Variants in PTPRT observed in about 807,000 individuals in gnomAD.
The protein encoded by PTPRT is receptor-type tyrosine-protein phosphatase T.
In PTPRT, 56 loss-of-function variants were observed where a neutral mutation model predicts 176.8. The ratio of observed to expected loss-of-function variants is 0.32; its 90% CI spans 0.26 to 0.40. The LOEUF is 0.40. Ranked by LOEUF, PTPRT falls within the 10% of genes least tolerant of loss-of-function variation. PTPRT has a pLI of 1.00. For synonymous variants in PTPRT, 783 were observed against 739.0 expected (o/e 1.06, Z -0.96); for missense variants, 1,540 against 1,908.2 (o/e 0.81, Z 3.60).
intron 1 of PTPRT, among the ~76,000 whole-genome samples, chr20:42,909,215 G>A (rs1358897745): frequency 1.3e-5 from 2 of 152,066 alleles, no homozygotes; most frequent in African/African-American, 4.8e-5. Context: ...ATCTATGTGT[G>A]TATGTATCCT....
chr20:42,981,627 G>T (rs1983278650), intron 1 of PTPRT, among the ~76,000 whole-genome samples: 1 of 152,226 alleles, frequency 6.6e-6, no homozygotes, highest in South Asian at 2.1e-4. Context: ...AGGGCAGCCT[G>T]CTGAACTCCA....
rs141644097 is a variant in PTPRT at position 42,808,528 on chromosome 20, G to T, written c.215-17062C>A. On this transcript the variant is annotated intron_variant, in intron 2 of 30. Transcript: ENST00000373187. ...GAGGGGATGTGGAGGCCCAGGAAGA[G>T]GACCAAAGCAAGTCCTTGATAGTCA... 1.4e-4 allele frequency among the ~76,000 whole-genome samples: 21 copies of T among 152,216 alleles called. No homozygotes were observed. The East Asian group carries it at 3.5e-3, about 25-fold the overall frequency.
In PTPRT at chr20:42,315,715, A is replaced by G; in HGVS notation, c.2139+8T>C. ...GGCAAGGAATGGCCTCCATGTGGCC[A>G]TACTTACTCCATTGGCTTTGCTGAG... On this transcript the variant is annotated splice_region_variant and intron_variant, in intron 12 of 30. Transcript: ENST00000373187. 1.2e-6 allele frequency: 2 copies of G among 1,611,898 alleles called. No homozygotes were observed. Among genetic ancestry groups the G allele is most frequent in the Middle Eastern group, 1.7e-4 (1 of 5,952 alleles).
At chr20:42,367,164 G>T (rs2058526158) in intron 9 of PTPRT, among the ~76,000 whole-genome samples, 1 of 152,204 alleles carries the variant, frequency 6.6e-6, no homozygotes. Context: ...GTGCTGGGCT[G>T]GTTTTAGGCT....
intron 27 of PTPRT, among the ~76,000 whole-genome samples, chr20:42,086,162 C>T (rs1052323524): frequency 6.6e-6 from 1 of 152,242 alleles, no homozygotes; most frequent in East Asian, 1.9e-4. Context: ...TAGTCTTGAA[C>T]TCCTGACCTC....
intron 16 of PTPRT, among the ~76,000 whole-genome samples, chr20:42,189,907 T>G (rs1018020424): frequency 6.6e-6 from 1 of 152,240 alleles, no homozygotes; most frequent in Admixed American, 6.5e-5. Flanking sequence ...AAACTTGTCT[T>G]AATTTAACTC....
downstream of PTPRT, among the ~76,000 whole-genome samples, chr20:42,067,999 T>C (rs1027396188): frequency 1.3e-5 from 2 of 152,204 alleles, no homozygotes; most frequent in Non-Finnish European, 2.9e-5. Context: ...TTGGCTACTC[T>C]TACAGGGTCT....
At chr20:42,357,321 C>T (rs2058371396) in intron 9 of PTPRT, among the ~76,000 whole-genome samples, 3 of 152,112 alleles carry the variant, frequency 2.0e-5, no homozygotes, top group South Asian at 2.1e-4. Context: ...TATTTTCTGG[C>T]CTTTCATAGA....
intron 7 of PTPRT, among the ~76,000 whole-genome samples, chr20:42,517,070 G>C (rs1042741437): frequency 2.6e-5 from 4 of 151,966 alleles, no homozygotes; most frequent in African/African-American, 9.7e-5. Flanking sequence ...ATCAGAGAAA[G>C]TTTCATTTCT....
Position 43,087,345 on chromosome 20 carries a change from C to T in PTPRT, c.88+102301G>A, listed in dbSNP as rs907960356. On this transcript the variant is annotated intron_variant, in intron 1 of 30. Transcript: ENST00000373187. ...CTCACACCCACCAGGTTCTTCGTCACTGTTCACACTGTCCGTCCTTTTTTT... is the reference window on the plus strand; with the variant it reads ...CTCACACCCACCAGGTTCTTCGTCATTGTTCACACTGTCCGTCCTTTTTTT... 1.3e-4 allele frequency among the ~76,000 whole-genome samples: 19 copies of T among 143,598 alleles called. 1 individual carries two copies. Among genetic ancestry groups the T allele is most frequent in the African/African-American group, 4.6e-4 (18 of 38,976 alleles). 94.2% of individuals were successfully genotyped at this position (143,598 alleles called of 152,430 possible). A position where few individuals can be genotyped will look rare whatever the true frequency, so the allele number is the denominator to read the frequency against.
chr20:42,627,415 A>G (rs2074313044), intron 7 of PTPRT, among the ~76,000 whole-genome samples: 1 of 151,974 alleles, frequency 6.6e-6, no homozygotes, highest in South Asian at 2.1e-4. Flanking sequence ...GACTACAGGT[A>G]TATGCTACCA....
chr20:42,609,001 G>A (rs2073929401), intron 7 of PTPRT, among the ~76,000 whole-genome samples: 1 of 152,120 alleles, frequency 6.6e-6, no homozygotes, highest in Non-Finnish European at 1.5e-5. Context: ...GTATAGGATT[G>A]AGTTTGAATA....
rs1214263668 is a variant in PTPRT, at chr20:42,077,882, A to C, written c.*2997T>G. On this transcript the variant is annotated 3_prime_UTR_variant, in exon 31 of 31. Transcript: ENST00000373187. ...AAATTCCTACCATTTAAAATGATAA[A>C]AGCCACTGTCTTTTGTATCTGCCAG... is the stretch of plus-strand genomic sequence containing the variant. The C allele has an allele frequency of 9.8e-6, 2 of 204,802 alleles. No individual in the cohort carries two copies. The highest frequency in any genetic ancestry group is 2.0e-5 in the Non-Finnish European group (2 of 100,382). 12.7% of individuals were successfully genotyped at this position (204,802 alleles called of 1,614,324 possible).
intron 9 of PTPRT, among the ~76,000 whole-genome samples, chr20:42,364,660 T>G (rs1003597390): frequency 6.6e-6 from 1 of 152,204 alleles, no homozygotes; most frequent in Non-Finnish European, 1.5e-5. Context: ...CAGGTGACAC[T>G]GCTGTTTATG....
chr20:42,338,756 A>T (rs1481753986), intron 11 of PTPRT, among the ~76,000 whole-genome samples: 2 of 152,132 alleles, frequency 1.3e-5, no homozygotes, highest in African/African-American at 4.8e-5. Context: ...CCTGAATCCT[A>T]TGTGCAAGGT....
chr20:42,259,685 C>T (rs1327928505), intron 13 of PTPRT, among the ~76,000 whole-genome samples: 1 of 152,154 alleles, frequency 6.6e-6, no homozygotes, highest in Admixed American at 6.5e-5. Flanking sequence ...AGGTTAATGA[C>T]CAGGATGTGG....
In PTPRT at chr20:43,103,988, C is replaced by T. The variant is rs377679432; in HGVS notation, c.88+85658G>A. 1.4e-4 allele frequency among the ~76,000 whole-genome samples: 22 copies of T among 152,286 alleles called. No homozygotes were observed. In the South Asian group the frequency reaches 3.9e-3, roughly 27 times the overall value. On this transcript the variant is annotated intron_variant, in intron 1 of 30. Coordinates refer to ENST00000373187, the MANE Select transcript of PTPRT (RefSeq NM_007050.6). ...GAGAGCAGATGCTTTAAACATCACA[C>T]GCGCTTGCCACAGTAATTGCACTTT...
intron 1 of PTPRT, among the ~76,000 whole-genome samples, chr20:42,961,082 T>A (rs924512315): frequency 4.0e-5 from 6 of 151,766 alleles, no homozygotes; most frequent in African/African-American, 1.5e-4. Context: ...TTTAAAAAAA[T>A]GAGATAAACA....
intron 17 of PTPRT, among the ~76,000 whole-genome samples, chr20:42,160,651 TAAG>T (rs1184355815): frequency 6.6e-6 from 1 of 152,200 alleles, no homozygotes; most frequent in Non-Finnish European, 1.5e-5. Flanking sequence ...AAGGAACTTA[TAAG>T]AAGAACAACG....
Sources: allele counts gnomAD v4.1 joint callset (sites outside exome capture counted in the v4.1 genomes callset), GRCh38; gene constraint gnomAD v4.1.1; transcripts MANE v1.5; gene names NCBI Gene and HGNC (gene_info 2026-07-23, HGNC 2026-07-21).